PNKD: variants seen among roughly 807,000 people sequenced by gnomAD.
The protein encoded by PNKD is PNKD metallo-beta-lactamase domain containing, also known as probable thioesterase PNKD.
PNKD carries 36 observed loss-of-function variants against 45.3 expected under a neutral mutation model. That is an observed-to-expected ratio of 0.80 (90% CI 0.61 to 1.05). The LOEUF is 1.05. Among genes scored for constraint, PNKD ranks in the 50% least tolerant of loss-of-function variants. The pLI is 0.00. For synonymous variants in PNKD, 197 were observed against 210.1 expected, an observed-to-expected ratio of 0.94 and a Z score of 0.54; for missense variants, 511 against 506.6, an observed-to-expected ratio of 1.01 and a Z score of -0.08.
intron 2 of PNKD, among the ~76,000 whole-genome samples, chr2:218,307,987 G>A (rs1289371515): frequency 6.6e-6 from 1 of 152,158 alleles, no homozygotes; most frequent in East Asian, 1.9e-4. Context: ...TGAGTGGCCT[G>A]AGAATGGACG....
intron 2 of PNKD, chr2:218,323,357 C>T (rs1337019759): frequency 2.5e-6 from 4 of 1,581,258 alleles, no homozygotes; most frequent in Admixed American, 3.5e-5. Context: ...TTGTGAGCCC[C>T]CGCGGCTGCC....
At chr2:218,304,113 G>A (rs1391848230) in intron 2 of PNKD, among the ~76,000 whole-genome samples, 1 of 152,052 alleles carries the variant, frequency 6.6e-6, no homozygotes, top group Non-Finnish European at 1.5e-5. Context: ...TCAACCAGTG[G>A]TCACAGCCCC....
At position 218,307,956 on chromosome 2, in the gene PNKD, C is replaced by T. The variant is rs375739652; in HGVS notation, c.237-31827C>T. On this transcript the variant is annotated intron_variant, in intron 2 of 9. Transcript: ENST00000273077. ...GGGACAGCGCCAAATTAGGATGGAG[C>T]AGTACAGGCAGGGGCCCAGTTGAGT... Among the ~76,000 whole-genome samples the T allele has an allele frequency of 3.9e-4, 59 of 152,076 alleles. No homozygotes were observed. In the South Asian group the frequency reaches 0.011, roughly 29 times the overall value.
intron 2 of PNKD, chr2:218,327,069 G>C (rs1276026952): frequency 6.6e-6 from 1 of 152,300 alleles, no homozygotes; most frequent in Non-Finnish European, 1.5e-5. Flanking sequence ...GAGAGCCTCT[G>C]TCTGCAGAGG....
At position 218,334,827 on chromosome 2, in the gene PNKD, G is replaced by C. The variant is rs954835846; in HGVS notation, c.237-4956G>C. On this transcript the variant is annotated intron_variant, in intron 2 of 9. Transcript: ENST00000273077. The stretch of plus-strand genomic sequence containing the variant: ...GTTTCTATGGCCTTTATAATTAGTG[G>C]TTATTTTGTGAAGGAGATACTTTGA... The C allele has an allele frequency of 4.1e-5, 28 of 689,346 alleles. No homozygotes were observed. The African/African-American group carries it at 4.1e-4, about 10-fold the overall frequency. The allele number at this position is 689,346 out of a possible 1,614,324, so 42.7% of individuals were successfully genotyped here.
chr2:218,281,975 G>C, intron 2 of PNKD: 3 of 1,605,282 alleles, frequency 1.9e-6, no homozygotes, highest in Non-Finnish European at 2.5e-6. Flanking sequence ...GGGGGGCATG[G>C]GCTGTGGGTA....
At chr2:218,278,494 T>C in intron 2 of PNKD, 1 of 1,613,328 alleles carries the variant, frequency 6.2e-7, no homozygotes, top group Non-Finnish European at 8.5e-7. Flanking sequence ...CCTCTCACTG[T>C]GTTAAGTCTC....
chr2:218,290,175 A>G (rs1304133251), intron 2 of PNKD: 2 of 151,978 alleles, frequency 1.3e-5, no homozygotes, highest in Non-Finnish European at 2.9e-5. Context: ...GAAACAGATG[A>G]CTCTTGAGAA....
intron 2 of PNKD, among the ~76,000 whole-genome samples, chr2:218,331,477 A>T (rs553674046): frequency 6.6e-5 from 10 of 150,748 alleles, no homozygotes; most frequent in South Asian, 2.1e-4. Context: ...TTATTTATTT[A>T]TTTTTTTATT....
At chr2:218,272,526 G>A in intron 2 of PNKD, 8 of 1,606,662 alleles carry the variant, frequency 5.0e-6, no homozygotes, top group Non-Finnish European at 6.8e-6. Context: ...TCTGGCTCAG[G>A]CTTGGCCCCT....
At chr2:218,344,093 A>T (rs560165031) in intron 8 of PNKD, among the ~76,000 whole-genome samples, 5 of 152,342 alleles carry the variant, frequency 3.3e-5, no homozygotes, top group Admixed American at 3.3e-4. Flanking sequence ...CAGCAGGTAC[A>T]TCTGTGTCTG....
chr2:218,279,082 G>A (rs183968683), intron 2 of PNKD: 39 of 1,614,136 alleles, frequency 2.4e-5, no homozygotes, highest in Non-Finnish European at 3.2e-5. Context: ...CAAAGGCGCT[G>A]ACAGGTTCCC....
intron 8 of PNKD, among the ~76,000 whole-genome samples, chr2:218,343,843 C>G (rs1694752572): frequency 6.6e-6 from 1 of 152,246 alleles, no homozygotes; most frequent in South Asian, 2.1e-4. Flanking sequence ...TTGCAGGCCC[C>G]AGGGCATTCC....
chr2:218,343,715 A>C, intron 8 of PNKD, 129 bp downstream of exon 8: 3 of 717,588 alleles, frequency 4.2e-6, no homozygotes, highest in Non-Finnish European at 5.0e-6. Context: ...ACACAGCTCC[A>C]CCTCTAGGGG....
rs754700931 is a variant in PNKD at position 218,343,484 on chromosome 2, T to G, written c.782-16T>G. ...TATCCTGGCACCTTGTGACATACCC[T>G]CCAACCCCCACCCAGGGCGGACCTT... On this transcript the variant is annotated splice_polypyrimidine_tract_variant and intron_variant, in intron 7 of 9. Transcript: ENST00000273077. 6 of 1,607,288 alleles carry G rather than the reference T, an allele frequency of 3.7e-6. No homozygotes were observed. In the East Asian group the frequency reaches 8.9e-5, roughly 24 times the overall value.
chr2:218,312,903 A>G (rs969246899), intron 2 of PNKD, among the ~76,000 whole-genome samples: 30 of 151,852 alleles, frequency 2.0e-4, no homozygotes, highest in African/African-American at 7.0e-4. Context: ...CCCTCTATCA[A>G]TGTATGAGCA....
At chr2:218,333,436 C>T (rs1179153069) in intron 2 of PNKD, among the ~76,000 whole-genome samples, 1 of 152,216 alleles carries the variant, frequency 6.6e-6, no homozygotes, top group East Asian at 1.9e-4. Flanking sequence ...TGACCCTGCT[C>T]TAGCAGCTGG....
chr2:218,343,006 G>T (rs1383443341), intron 7 of PNKD, among the ~76,000 whole-genome samples: 1 of 152,222 alleles, frequency 6.6e-6, no homozygotes, highest in Non-Finnish European at 1.5e-5. Flanking sequence ...GGACAGAATG[G>T]GAGAATGTCT....
rs1220987446 is a variant in PNKD, at chr2:218,343,551, T to G, written c.833T>G (p.Val278Gly). 5.0e-6 allele frequency: 8 copies of G among 1,613,582 alleles called. No individual in the cohort carries two copies. In the African/African-American group the frequency reaches 1.1e-4, roughly 22 times the overall value. The change falls in exon 8 of 10, where the codon GTG becomes GGG. Residue 278 changes from valine (V) to glycine (G), a missense_variant. Val to Gly is a moderately radical substitution (Grantham distance 109). Coordinates refer to ENST00000273077, the MANE Select transcript of PNKD (RefSeq NM_015488.5). Reference protein sequence around the residue: ...AETMLSSLDTVLGLGDDTLLW... With the variant: ...AETMLSSLDTGLGLGDDTLLW... ...ACCATGCTGAGCTCACTGGACACTG[T>G]GCTGGGGCTAGGGGATGACACCCTT...
Sources: gnomAD v4.1 joint callset for allele counts (sites outside exome capture counted in the v4.1 genomes callset) on GRCh38, gnomAD v4.1.1 for gene constraint, MANE v1.5 for transcripts, NCBI Gene and HGNC (gene_info 2026-07-23, HGNC 2026-07-21) for gene names.